ADCY8: variants seen among roughly 807,000 people sequenced by gnomAD.
The protein encoded by ADCY8 is adenylate cyclase type 8.
A neutral mutation model predicts 119.7 loss-of-function variants in ADCY8; 51 were observed. That is an observed-to-expected ratio of 0.43 (90% confidence interval 0.34 to 0.54). The LOEUF (loss-of-function observed/expected upper bound fraction) is 0.54, where lower values mean the gene tolerates loss of function less well. Among genes scored for constraint, ADCY8 ranks in the 20% least tolerant of loss-of-function variants. The pLI is 0.03. For missense variants in ADCY8, 1,383 were observed against 1,598.8 expected (o/e 0.87, Z 2.30); for synonymous variants, 665 against 651.0 (o/e 1.02, Z -0.33).
chr8:130,916,154 T>G (rs768690337), intron 5 of ADCY8, among the ~76,000 whole-genome samples: 1 of 152,144 alleles, frequency 6.6e-6, no homozygotes, highest in Non-Finnish European at 1.5e-5. Flanking sequence ...TCACCCCGGG[T>G]GTATAAGCCT....
intron 17 of ADCY8, among the ~76,000 whole-genome samples, 166 bp downstream of exon 17, chr8:130,783,525 C>T (rs1180333216): frequency 6.6e-6 from 1 of 152,198 alleles, no homozygotes; most frequent in Non-Finnish European, 1.5e-5. Flanking sequence ...TGAGAGGAAA[C>T]TAAGAAAGGC....
chr8:130,780,522 C>T lies in ADCY8; in HGVS notation c.3624G>A (p.Gln1208=). 6.2e-7 allele frequency: 1 copy of T among 1,614,180 alleles called. No individual in the cohort carries two copies. The highest frequency in any genetic ancestry group is 1.1e-5 in the South Asian group (1 of 91,084). Residue 1208 remains glutamine (Q), a synonymous_variant, in exon 18 of 18, where the codon CAG becomes CAA. Coordinates refer to ENST00000286355, the MANE Select transcript of ADCY8 (RefSeq NM_001115.3). ...TGTTGTTCTCATTGAGTAGCTGCTT[C>T]TGCCTTTGCCTATTGAGGGACTGGA... ...GLVQSLNRQR[Q]KQLLNENNNT... is the part of the protein sequence containing the mutation.
intron 7 of ADCY8, among the ~76,000 whole-genome samples, chr8:130,897,294 T>G (rs1325749789): frequency 6.6e-6 from 1 of 152,038 alleles, no homozygotes; most frequent in Non-Finnish European, 1.5e-5. Flanking sequence ...GAGAACAAGA[T>G]CTAAGAAAAG....
At chr8:130,863,399 T>A (rs1360473820) in intron 9 of ADCY8, among the ~76,000 whole-genome samples, 1 of 152,134 alleles carries the variant, frequency 6.6e-6, no homozygotes, top group Middle Eastern at 3.4e-3. Flanking sequence ...GGGCCTTTTT[T>A]TTTTTATCTA....
chr8:130,842,197 C>T (rs1018160780), intron 11 of ADCY8, among the ~76,000 whole-genome samples: 1 of 152,176 alleles, frequency 6.6e-6, no homozygotes, highest in African/African-American at 2.4e-5. Context: ...ATGTTCCCCC[C>T]ACCCATTTTA....
In ADCY8 at chr8:131,027,053, G is replaced by A. The variant is rs73350460; in HGVS notation, c.960+12321C>T. On this transcript the variant is annotated intron_variant, in intron 1 of 17. Transcript: ENST00000286355. ...GCTTTTTTCTTTCCTTGGGAAGTGT[G>A]TTAAGTTTGGCATATAGCAATCTCC... Among the ~76,000 whole-genome samples the A allele has an allele frequency of 3.3e-3, 510 of 152,276 alleles. 7 individuals carry two copies. Among genetic ancestry groups the A allele is most frequent in the African/African-American group, 0.011 (476 of 41,558 alleles).
chr8:130,871,511 G>C (rs1034855963), intron 8 of ADCY8, among the ~76,000 whole-genome samples: 1 of 152,130 alleles, frequency 6.6e-6, no homozygotes, highest in Non-Finnish European at 1.5e-5. Context: ...ATATATATAA[G>C]ATGCTTAGAA....
chr8:130,939,277 T>C (rs1820888305), intron 4 of ADCY8, among the ~76,000 whole-genome samples: 1 of 152,188 alleles, frequency 6.6e-6, no homozygotes, highest in Non-Finnish European at 1.5e-5. Context: ...AATTTAACAT[T>C]ATGAAAACTC....
At chr8:130,822,777 A>G (rs1340281315) in intron 12 of ADCY8, among the ~76,000 whole-genome samples, 1 of 152,200 alleles carries the variant, frequency 6.6e-6, no homozygotes, top group Non-Finnish European at 1.5e-5. Flanking sequence ...CAGCTTTTCT[A>G]CTGACCAGTT....
intron 7 of ADCY8, among the ~76,000 whole-genome samples, chr8:130,894,985 G>T (rs1194706376): frequency 2.0e-5 from 3 of 152,106 alleles, no homozygotes; most frequent in African/African-American, 7.2e-5. Flanking sequence ...GAGCAATCCT[G>T]GTGTAGCTCA....
intron 7 of ADCY8, among the ~76,000 whole-genome samples, chr8:130,894,098 CA>C (rs1819301164): frequency 6.6e-6 from 1 of 152,120 alleles, no homozygotes. Context: ...CACTCTTATA[CA>C]ATTTACTAAT....
chr8:130,809,974 A>G (rs1378740195), intron 14 of ADCY8, among the ~76,000 whole-genome samples: 2 of 152,242 alleles, frequency 1.3e-5, no homozygotes, highest in Non-Finnish European at 2.9e-5. Context: ...ATTATTTTCT[A>G]AAGTGTGAGG....
intron 7 of ADCY8, among the ~76,000 whole-genome samples, chr8:130,886,208 C>G (rs1285282260): frequency 6.6e-6 from 1 of 152,144 alleles, no homozygotes; most frequent in Non-Finnish European, 1.5e-5. Flanking sequence ...CTGAAACCCT[C>G]TTCTCCAGCC....
chr8:130,873,322 C>CTT (rs780525341), intron 8 of ADCY8, among the ~76,000 whole-genome samples: 13 of 146,464 alleles, frequency 8.9e-5, no homozygotes, highest in African/African-American at 3.2e-4. Flanking sequence ...TGTACTCTGT[C>CTT]TTTTTTTTTT....
intron 1 of ADCY8, among the ~76,000 whole-genome samples, chr8:131,009,407 C>T (rs545651255): frequency 1.3e-5 from 2 of 152,288 alleles, no homozygotes; most frequent in African/African-American, 4.8e-5. Context: ...CCCCTTTTCC[C>T]CATCCTATTC....
intron 2 of ADCY8, among the ~76,000 whole-genome samples, chr8:130,979,755 T>A (rs1449994368): frequency 6.6e-6 from 1 of 152,208 alleles, no homozygotes; most frequent in Non-Finnish European, 1.5e-5. Flanking sequence ...GAGGATTGAA[T>A]GAAGTAATCT....
chr8:131,016,061 C>T (rs1414874031), intron 1 of ADCY8, among the ~76,000 whole-genome samples: 1 of 152,266 alleles, frequency 6.6e-6, no homozygotes, highest in Middle Eastern at 3.4e-3. Context: ...GAGAAATGGA[C>T]ATGATCTCCA....
intron 9 of ADCY8, among the ~76,000 whole-genome samples, chr8:130,858,675 C>T (rs1052710717): frequency 6.6e-6 from 1 of 152,140 alleles, no homozygotes; most frequent in African/African-American, 2.4e-5. Context: ...TTAAATTCCT[C>T]CTCACTGAGG....
chr8:130,928,432 T>A (rs1229125580), intron 5 of ADCY8, among the ~76,000 whole-genome samples: 1 of 152,220 alleles, frequency 6.6e-6, no homozygotes, highest in Admixed American at 6.5e-5. Flanking sequence ...TGGCCTTTAT[T>A]ATTTTGAGGT....
Sources: allele counts gnomAD v4.1 joint callset (sites outside exome capture counted in the v4.1 genomes callset), GRCh38; gene constraint gnomAD v4.1.1; transcripts MANE v1.5; gene names NCBI Gene and HGNC (gene_info 2026-07-23, HGNC 2026-07-21).